AIG1: variants seen among roughly 807,000 people sequenced by gnomAD.
AIG1 encodes androgen-induced gene 1 protein.
AIG1 carries 23 observed loss-of-function variants against 31.4 expected under a neutral mutation model. The observed-to-expected ratio is 0.73, with a 90% CI of 0.53 to 1.04. The LOEUF is 1.04. Among genes scored for constraint, AIG1 ranks in the 50% least tolerant of loss-of-function variants. The pLI is 0.00. For missense variants in AIG1, 274 were observed against 295.0 expected, an observed-to-expected ratio of 0.93 and a Z score of 0.52; for synonymous variants, 100 against 110.5, an observed-to-expected ratio of 0.90 and a Z score of 0.60.
At chr6:143,285,152 G>A (rs9496557) in intron 4 of AIG1, among the ~76,000 whole-genome samples, 12,423 of 151,888 alleles carry the variant, frequency 0.082, 810 homozygotes, top group East Asian at 0.34. Flanking sequence ...GGAGCATCTT[G>A]CTCCAGCTGG....
intron 3 of AIG1, among the ~76,000 whole-genome samples, chr6:143,217,532 A>G (rs1015291418): frequency 6.6e-6 from 1 of 151,898 alleles, no homozygotes; most frequent in East Asian, 1.9e-4. Context: ...TTTTTGAGAC[A>G]GAGTCTCGCT....
At chr6:143,129,971 A>C (rs1164321157) in intron 1 of AIG1, among the ~76,000 whole-genome samples, 16 of 144,868 alleles carry the variant, frequency 1.1e-4, no homozygotes, top group African/African-American at 3.9e-4. Flanking sequence ...TCCCTTGGTC[A>C]CCAGGCTGGA....
At chr6:143,155,013 A>ATTTTTTTTTTTTT (rs61017846) in intron 2 of AIG1, among the ~76,000 whole-genome samples, 1 of 123,974 alleles carries the variant, frequency 8.1e-6, no homozygotes, top group African/African-American at 2.9e-5. Context: ...ACATCTGGCT[A>ATTTTTTTTTTTTT]TTTTTTTTTT....
At chr6:143,187,554 GC>G (rs1183367108) in intron 3 of AIG1, 1 of 1,535,902 alleles carries the variant, frequency 6.5e-7, no homozygotes, top group Non-Finnish European at 8.7e-7. Flanking sequence ...TGTAATATTT[GC>G]ATAAAAATAT....
chr6:143,093,587 G>T (rs1779499053), intron 1 of AIG1, among the ~76,000 whole-genome samples: 1 of 152,148 alleles, frequency 6.6e-6, no homozygotes, highest in African/African-American at 2.4e-5. Flanking sequence ...TTCACAACTT[G>T]GGTAACTGTT....
chr6:143,269,714 G>A (rs1471416363), intron 3 of AIG1, among the ~76,000 whole-genome samples: 1 of 152,226 alleles, frequency 6.6e-6, no homozygotes, highest in Non-Finnish European at 1.5e-5. Flanking sequence ...AAAGCAGCCA[G>A]ACACAAAAGA....
intron 3 of AIG1, among the ~76,000 whole-genome samples, chr6:143,273,784 A>G (rs966230245): frequency 6.6e-6 from 1 of 152,154 alleles, no homozygotes; most frequent in Non-Finnish European, 1.5e-5. Context: ...TATGGGGGAA[A>G]CTGCCCCCAT....
intron 1 of AIG1, among the ~76,000 whole-genome samples, chr6:143,083,272 G>A (rs779583195): frequency 5.3e-5 from 8 of 152,228 alleles, no homozygotes; most frequent in Non-Finnish European, 7.3e-5. Flanking sequence ...AATCATCCAT[G>A]TACCAAAGGA....
chr6:143,144,990 A>T (rs1368309362), intron 2 of AIG1, among the ~76,000 whole-genome samples: 1 of 152,168 alleles, frequency 6.6e-6, no homozygotes, highest in East Asian at 1.9e-4. Context: ...GCTTGTTGAC[A>T]GGCAGTTTCA....
intron 3 of AIG1, chr6:143,188,846 C>T (rs1218340060): frequency 1.0e-6 from 1 of 985,112 alleles, no homozygotes; most frequent in Admixed American, 6.2e-5. Flanking sequence ...TTTACACTGC[C>T]TGGGATTTTT....
intron 4 of AIG1, among the ~76,000 whole-genome samples, chr6:143,305,351 T>C (rs1799187212): frequency 6.6e-6 from 1 of 152,228 alleles, no homozygotes; most frequent in Admixed American, 6.5e-5. Flanking sequence ...TGCTTTCTTT[T>C]GTGGGCATTT....
intron 3 of AIG1, among the ~76,000 whole-genome samples, chr6:143,274,039 T>G (rs1455425896): frequency 6.6e-6 from 1 of 152,206 alleles, no homozygotes; most frequent in African/African-American, 2.4e-5. Flanking sequence ...TCTTGCTACC[T>G]GTGGGATTTA....
intron 2 of AIG1, among the ~76,000 whole-genome samples, chr6:143,160,016 A>G (rs980135824): frequency 2.6e-5 from 4 of 152,210 alleles, no homozygotes; most frequent in African/African-American, 9.6e-5. Flanking sequence ...TCCTATCAGT[A>G]TTTGGTAGAG....
At chr6:143,061,117 CGTGTGTGT>C (rs138059311) in intron 1 of AIG1, 51 bp downstream of exon 1, 41,205 of 1,409,692 alleles carry the variant, frequency 0.029, 248 homozygotes, top group Middle Eastern at 0.05. Context: ...CCTGTGTGTG[CGTGTGTGT>C]GTGTGTGTGT....
intron 5 of AIG1, among the ~76,000 whole-genome samples, chr6:143,337,057 C>T (rs1379258838): frequency 1.3e-5 from 2 of 152,200 alleles, no homozygotes; most frequent in Non-Finnish European, 2.9e-5. Context: ...GGAGGGGATG[C>T]ATAGCCCTGC....
At chr6:143,310,150 T>A (rs149759179) in intron 4 of AIG1, among the ~76,000 whole-genome samples, 9 of 152,040 alleles carry the variant, frequency 5.9e-5, no homozygotes, top group African/African-American at 2.2e-4. Flanking sequence ...TTGATCTAAT[T>A]GACATCTATA....
chr6:143,081,035 C>T (rs535173007), intron 1 of AIG1, among the ~76,000 whole-genome samples: 11 of 152,072 alleles, frequency 7.2e-5, no homozygotes, highest in Admixed American at 1.3e-4. Flanking sequence ...CTAAGTTGGC[C>T]GTCTCTCAGT....
rs1798137180 is a variant in AIG1 at position 143,292,699 on chromosome 6, A to G, written c.515+8474A>G. On this transcript the variant is annotated intron_variant, in intron 4 of 5. Coordinates refer to ENST00000357847, the MANE Select transcript of AIG1 (RefSeq NM_016108.4). The surrounding 1 kb of genome is among the most constrained non-coding windows in gnomAD (Gnocchi z 4.9). ...GCAAGAAAAAAACGAATACTTGAAC[A>G]AATCACTTAATCTCTATGGGCCTCA... 6.6e-6 allele frequency among the ~76,000 whole-genome samples: 1 copy of G among 152,250 alleles called. No homozygotes were observed. The highest frequency in any genetic ancestry group is 1.5e-5 in the Non-Finnish European group (1 of 68,052).
chr6:143,283,108 C>G (rs1797456923), intron 3 of AIG1, among the ~76,000 whole-genome samples: 1 of 152,156 alleles, frequency 6.6e-6, no homozygotes, highest in Admixed American at 6.5e-5. Context: ...ATCTTAGAAA[C>G]TCTTTGTTCC....
Sources: gnomAD v4.1 joint callset for allele counts (sites outside exome capture counted in the v4.1 genomes callset) on GRCh38, gnomAD v4.1.1 for gene constraint, Gnocchi (gnomAD v3.1) non-coding constraint, MANE v1.5 for transcripts, NCBI Gene and HGNC (gene_info 2026-07-23, HGNC 2026-07-21) for gene names.